ST13: variants seen among roughly 807,000 people sequenced by gnomAD.
ST13 encodes ST13 Hsp70 interacting protein.
Under a neutral mutation model 56.7 loss-of-function variants are expected in ST13, and 23 were observed. The observed-to-expected ratio is 0.41, with a 90% CI of 0.29 to 0.57. The LOEUF (loss-of-function observed/expected upper bound fraction) is 0.57. Ranked by LOEUF, ST13 falls within the 20% of genes least tolerant of loss-of-function variation. The pLI, the probability that ST13 is intolerant of heterozygous loss-of-function variation, is 0.36. For synonymous variants in ST13, 132 were observed against 142.4 expected (o/e 0.93, Z 0.52); for missense variants, 369 against 459.9 (o/e 0.80, Z 1.81).
At chr22:40,842,431 G>C (rs2057808918) in intron 4 of ST13, among the ~76,000 whole-genome samples, 1 of 152,190 alleles carries the variant, frequency 6.6e-6, no homozygotes, top group South Asian at 2.1e-4. Context: ...CTGAAAATGA[G>C]TAAAGAGCAA....
chr22:40,854,215 T>G (rs1162396055), intron 1 of ST13, among the ~76,000 whole-genome samples: 4 of 152,214 alleles, frequency 2.6e-5, no homozygotes, highest in Non-Finnish European at 5.9e-5. Context: ...CAGCCCCATC[T>G]GCCACAATCT....
Position 40,855,938 on chromosome 22 carries a change from G to C in ST13, c.110+493C>G, listed in dbSNP as rs191283991. Among the ~76,000 whole-genome samples the C allele has an allele frequency of 1.2e-3, 185 of 150,386 alleles. 1 individual carries two copies. The highest frequency in any genetic ancestry group is 4.6e-3 in the African/African-American group (182 of 39,782). On this transcript the variant is annotated intron_variant, in intron 1 of 11. Coordinates refer to ENST00000216218, the MANE Select transcript of ST13 (RefSeq NM_003932.5). ...TCCTACGCAGCTACAAACGCTGTAA[G>C]GTAAAAACAATCATTTTTACAGTTA...
In ST13 at chr22:40,825,019, T is replaced by A. The variant is rs1398171228; in HGVS notation, c.*1519A>T. The A allele has an allele frequency of 2.0e-5, 3 of 152,172 alleles. No homozygotes were observed. The highest frequency in any genetic ancestry group is 7.2e-5 in the African/African-American group (3 of 41,430). The allele number at this position is 152,172 out of a possible 1,614,324, so 9.4% of individuals were successfully genotyped here. A position where few individuals can be genotyped will look rare whatever the true frequency, so the allele number is the denominator to read the frequency against. Reference sequence around the variant, plus strand: ...AATAAGCAAAGTACAGAAGGCCTTATCCCTTGAAAATGTTTTTAAACACTA... The same window carrying A: ...AATAAGCAAAGTACAGAAGGCCTTAACCCTTGAAAATGTTTTTAAACACTA... On this transcript the variant is annotated 3_prime_UTR_variant, in exon 12 of 12. Transcript: ENST00000216218.
At chr22:40,853,203 T>G (rs2057870480) in intron 1 of ST13, among the ~76,000 whole-genome samples, 1 of 152,186 alleles carries the variant, frequency 6.6e-6, no homozygotes, top group African/African-American at 2.4e-5. Flanking sequence ...TTCCTAAGTT[T>G]AGTATTTGCA....
chr22:40,856,406 A>C (rs2057896188), intron 1 of ST13, 25 bp downstream of exon 1: 1 of 1,596,976 alleles, frequency 6.3e-7, no homozygotes. Flanking sequence ...CCCCGCCCCC[A>C]ACGGTCCTCA....
chr22:40,848,282 C>A lies in ST13; in HGVS notation c.244+12G>T. ...TAGGTTTTCAAATACAAACTAACTA[C>A]CGTCTCCTCACCTAGATCACTTTCC... On this transcript the variant is annotated intron_variant, in intron 3 of 11. Transcript: ENST00000216218. 1 of 1,600,892 alleles carries A rather than the reference C, an allele frequency of 6.2e-7. No homozygotes were observed. Among genetic ancestry groups the A allele is most frequent in the Non-Finnish European group, 8.6e-7 (1 of 1,168,200 alleles).
intron 7 of ST13, among the ~76,000 whole-genome samples, chr22:40,834,918 T>C (rs567794448): frequency 1.3e-5 from 2 of 152,322 alleles, no homozygotes; most frequent in Non-Finnish European, 2.9e-5. Flanking sequence ...TAAAAACATA[T>C]CCATCTTTAT....
intron 4 of ST13, among the ~76,000 whole-genome samples, chr22:40,843,455 A>G (rs1443293760): frequency 6.6e-6 from 1 of 152,188 alleles, no homozygotes; most frequent in East Asian, 1.9e-4. Context: ...TGAACAGAAA[A>G]AAAATAGACA....
intron 4 of ST13, among the ~76,000 whole-genome samples, chr22:40,841,761 CTTTT>C (rs35486587): frequency 6.8e-6 from 1 of 146,866 alleles, no homozygotes; most frequent in Non-Finnish European, 1.5e-5. Context: ...AAATGTTTTG[CTTTT>C]TTTTTTTTAT....
rs2057773839 is a variant in ST13, at chr22:40,835,683, T to G, written c.468-13A>C. 2 of 1,610,294 alleles carry G rather than the reference T, an allele frequency of 1.2e-6. No individual in the cohort carries two copies. Among genetic ancestry groups the G allele is most frequent in the Non-Finnish European group, 1.7e-6 (2 of 1,176,686 alleles). On this transcript the variant is annotated splice_polypyrimidine_tract_variant and intron_variant, in intron 6 of 11. Coordinates refer to ENST00000216218, the MANE Select transcript of ST13 (RefSeq NM_003932.5). Reference sequence around the variant, plus strand: ...TTTGACGAAGACACTGAAAAATAAGTGTGTTATTAAAAAGTATTCATTTCA... The same window carrying G: ...TTTGACGAAGACACTGAAAAATAAGGGTGTTATTAAAAAGTATTCATTTCA...
At chr22:40,843,569 T>A (rs186491223) in intron 4 of ST13, among the ~76,000 whole-genome samples, 22 of 152,252 alleles carry the variant, frequency 1.4e-4, no homozygotes, top group Admixed American at 2.6e-4. Context: ...GTGTATAAAA[T>A]GTTCAGAAGA....
intron 7 of ST13, chr22:40,835,274 C>A: frequency 8.8e-6 from 2 of 227,864 alleles, no homozygotes; most frequent in Non-Finnish European, 1.7e-5. Context: ...TATATTTGGC[C>A]ATATGTAGTC....
chr22:40,835,424 A>T, intron 7 of ST13, 136 bp downstream of exon 7: 1 of 672,826 alleles, frequency 1.5e-6, no homozygotes, highest in Non-Finnish European at 2.6e-6. Flanking sequence ...AAGCTATCTC[A>T]CTTCTTGATA....
In ST13 at chr22:40,826,404, T is replaced by C. The variant is rs1231369041; in HGVS notation, c.*134A>G. 1.3e-6 allele frequency: 1 copy of C among 746,358 alleles called. No individual in the cohort carries two copies. Among genetic ancestry groups the C allele is most frequent in the African/African-American group, 1.7e-5 (1 of 57,320 alleles). The allele number at this position is 746,358 out of a possible 1,614,324, so 46.2% of individuals were successfully genotyped here. ...TTCAGCTGCATTTGGGGGAGAGGGG[T>C]AGGGATTATCTTCAAAGCACCCCAG... On this transcript the variant is annotated 3_prime_UTR_variant, in exon 12 of 12. Transcript: ENST00000216218.
intron 3 of ST13, among the ~76,000 whole-genome samples, chr22:40,846,764 G>C (rs888661380): frequency 2.0e-5 from 3 of 152,036 alleles, no homozygotes; most frequent in Middle Eastern, 3.2e-3. Flanking sequence ...AGGCCAAGAC[G>C]GGCAGATCAC....
At chr22:40,835,977 A>AT (rs1427723694) in intron 5 of ST13, 90 bp from the exon 6 acceptor site, 1 of 1,037,914 alleles carries the variant, frequency 9.6e-7, no homozygotes, top group African/African-American at 1.6e-5. Context: ...AGTCTTTTAC[A>AT]TTTTTCTTTT....
chr22:40,827,265 C>A (rs763066726), intron 10 of ST13, 36 bp from the exon 11 acceptor site: 1 of 1,607,240 alleles, frequency 6.2e-7, no homozygotes, highest in South Asian at 1.1e-5. Context: ...AATCATACTC[C>A]CAAATATTCT....
In ST13 at chr22:40,856,611, A is replaced by G; in HGVS notation, c.-71T>C. 1 of 1,285,322 alleles carries G rather than the reference A, an allele frequency of 7.8e-7. No homozygotes were observed. The highest frequency in any genetic ancestry group is 1.7e-5 in the Admixed American group (1 of 57,860). 79.6% of individuals were successfully genotyped at this position (1,285,322 alleles called of 1,614,324 possible). ...CAGGCCCAGGCGCTGGCTCGGCGTG[A>G]CCGCGCAGAAGGGGGCGGCTGCCGC... On this transcript the variant is annotated 5_prime_UTR_variant, in exon 1 of 12. Coordinates refer to ENST00000216218, the MANE Select transcript of ST13 (RefSeq NM_003932.5).
chr22:40,850,940 C>T (rs369388344), intron 1 of ST13, 60 bp from the exon 2 acceptor site: 75 of 1,221,738 alleles, frequency 6.1e-5, no homozygotes, highest in Non-Finnish European at 8.2e-5. Context: ...TGTCACGCAA[C>T]GTATTTACAC....
Sources: allele counts gnomAD v4.1 joint callset (sites outside exome capture counted in the v4.1 genomes callset), GRCh38; gene constraint gnomAD v4.1.1; transcripts MANE v1.5; gene names NCBI Gene and HGNC (gene_info 2026-07-23, HGNC 2026-07-21).